Variants in NCKAP1 observed in about 807,000 individuals in gnomAD.
NCKAP1 encodes NCK associated protein 1.
A neutral mutation model predicts 151.2 loss-of-function variants in NCKAP1; 21 were observed. That is an observed-to-expected ratio of 0.14 (90% confidence interval 0.10 to 0.20). The LOEUF (loss-of-function observed/expected upper bound fraction) is 0.20. NCKAP1 is among the 10% of genes least tolerant of loss of function. The probability of loss-of-function intolerance (pLI) is 1.00; values close to 1 mark genes in which losing one functional copy is unlikely to be tolerated. For missense variants in NCKAP1, 933 were observed against 1,352.1 expected (o/e 0.69, Z 4.86); for synonymous variants, 484 against 451.8 (o/e 1.07, Z -0.90).
Position 182,910,351 on chromosome 2 carries a change from G to C in NCKAP1, c.*15351C>G, listed in dbSNP as rs1468722621. ...TGTACTAAAATTCTTTGAGAGATGAGAGGAAATATTTTTCAGAAGCTTGGA... is the reference window on the plus strand; with the variant it reads ...TGTACTAAAATTCTTTGAGAGATGACAGGAAATATTTTTCAGAAGCTTGGA... On this transcript the variant is annotated 3_prime_UTR_variant, in exon 31 of 31. Coordinates refer to ENST00000361354, the MANE Select transcript of NCKAP1 (RefSeq NM_013436.5). 2.6e-5 allele frequency: 4 copies of C among 152,260 alleles called. No homozygotes were observed. Among genetic ancestry groups the C allele is most frequent in the Admixed American group, 2.6e-4 (4 of 15,272 alleles). The allele number at this position is 152,260 out of a possible 1,614,324, so 9.4% of individuals were successfully genotyped here.
Position 182,967,255 on chromosome 2 carries a change from A to G in NCKAP1, c.1589T>C (p.Val530Ala). Residue 530 changes from valine (V) to alanine (A), a missense_variant, in exon 16 of 31, where the codon GTG becomes GCG. By Grantham distance (64) the Val-to-Ala change is moderately conservative. Around this residue, in one of 2 missense-constraint regions of NCKAP1, gnomAD observed 607 missense variants for 795.0 expected, o/e 0.76. Coordinates refer to ENST00000361354, the MANE Select transcript of NCKAP1 (RefSeq NM_013436.5). ...IFHTKMVDSL[V>A]EMLVETSDLS... Reference sequence around the variant, plus strand: ...ATCTGATGTTTCCACCAACATTTCCACCAAGGAATCTACCATTTTTGTATG... The same window carrying G: ...ATCTGATGTTTCCACCAACATTTCCGCCAAGGAATCTACCATTTTTGTATG... 1 of 1,611,876 alleles carries G rather than the reference A, an allele frequency of 6.2e-7. No homozygotes were observed. The highest frequency in any genetic ancestry group is 8.5e-7 in the Non-Finnish European group (1 of 1,179,260).
At chr2:183,036,356 A>C (rs1349466425) in intron 1 of NCKAP1, among the ~76,000 whole-genome samples, 1 of 152,186 alleles carries the variant, frequency 6.6e-6, no homozygotes, top group African/African-American at 2.4e-5. Context: ...CATTTCCTTT[A>C]AACCACAATA....
Position 182,979,457 on chromosome 2 carries a change from T to A in NCKAP1, c.1342-542A>T, listed in dbSNP as rs375747722. Among the ~76,000 whole-genome samples the A allele has an allele frequency of 3.7e-4, 57 of 152,238 alleles. 1 individual carries two copies. In the South Asian group the frequency reaches 0.011, roughly 30 times the overall value. On this transcript the variant is annotated intron_variant, in intron 13 of 30. Transcript: ENST00000361354. ...TCTAGCTTAAAAAATGAATATTTGA[T>A]AAACTGTATTTAAAGTGGATGCTAA...
intron 27 of NCKAP1, among the ~76,000 whole-genome samples, chr2:182,929,126 T>G (rs1239509132): frequency 6.6e-6 from 1 of 152,004 alleles, no homozygotes; most frequent in Non-Finnish European, 1.5e-5. Context: ...TTAGGCATAT[T>G]TCAAGGACGT....
intron 23 of NCKAP1, among the ~76,000 whole-genome samples, chr2:182,942,488 T>C (rs903257247): frequency 5.3e-5 from 8 of 151,990 alleles, no homozygotes; most frequent in South Asian, 2.1e-4. Context: ...AAAATGGACA[T>C]AGCAACAAAT....
chr2:182,941,537 CCTGGGGCCAGAGA>C (rs1349724803), intron 24 of NCKAP1, among the ~76,000 whole-genome samples: 1 of 152,104 alleles, frequency 6.6e-6, no homozygotes, highest in African/African-American at 2.4e-5. Context: ...GGTTGTTTGG[CCTGGGGCCAGAGA>C]CTGGGGTAGG....
chr2:182,913,062 ACTGT>A lies in NCKAP1; in HGVS notation c.*12636_*12639del, dbSNP rs1195001884. Reference sequence around the variant, plus strand: ...ATGTTGAATAGTTGTTATTTGTTTTACTGTCTGCCTCCTTCATCAGATGATGAGT... The same window carrying A: ...ATGTTGAATAGTTGTTATTTGTTTTACTGCCTCCTTCATCAGATGATGAGT... On this transcript the variant is annotated 3_prime_UTR_variant, in exon 31 of 31. Transcript: ENST00000361354. 6.6e-6 allele frequency: 1 copy of A among 152,124 alleles called. No individual in the cohort carries two copies. Among genetic ancestry groups the A allele is most frequent in the Admixed American group, 6.6e-5 (1 of 15,264 alleles). The allele number at this position is 152,124 out of a possible 1,614,324, so 9.4% of individuals were successfully genotyped here.
intron 1 of NCKAP1, among the ~76,000 whole-genome samples, chr2:183,027,659 G>A (rs568182475): frequency 5.3e-5 from 8 of 151,832 alleles, no homozygotes; most frequent in Admixed American, 1.3e-4. Context: ...ACTAGAGACC[G>A]GCCTGGGCAA....
rs1050295912 is a variant in NCKAP1, at chr2:182,913,892, T to A, written c.*11810A>T. 6.6e-6 allele frequency: 1 copy of A among 152,318 alleles called. No individual in the cohort carries two copies. Among genetic ancestry groups the A allele is most frequent in the Non-Finnish European group, 1.5e-5 (1 of 68,138 alleles). The allele number at this position is 152,318 out of a possible 1,614,324, so 9.4% of individuals were successfully genotyped here. A position where few individuals can be genotyped will look rare whatever the true frequency, so the allele number is the denominator to read the frequency against. ...GGAAATACAGGAAACTTCACAATGGTGCACAGTCCATACTCCATGAAACTT... is the reference window on the plus strand; with the variant it reads ...GGAAATACAGGAAACTTCACAATGGAGCACAGTCCATACTCCATGAAACTT... On this transcript the variant is annotated 3_prime_UTR_variant, in exon 31 of 31. Transcript: ENST00000361354.
At chr2:183,021,567 C>T (rs979869514) in intron 2 of NCKAP1, among the ~76,000 whole-genome samples, 3 of 152,148 alleles carry the variant, frequency 2.0e-5, no homozygotes, top group Admixed American at 6.5e-5. Context: ...GCTATGATGG[C>T]GCCACTGCAT....
At chr2:182,952,628 G>A in intron 22 of NCKAP1, 126 bp from the exon 23 acceptor site, 1 of 1,084,122 alleles carries the variant, frequency 9.2e-7, no homozygotes, top group Non-Finnish European at 1.3e-6. Context: ...TCTCTAGAGT[G>A]AAAGAGAGAA....
chr2:183,026,621 G>C (rs557841979), intron 1 of NCKAP1, among the ~76,000 whole-genome samples: 2 of 152,120 alleles, frequency 1.3e-5, no homozygotes, highest in South Asian at 2.1e-4. Flanking sequence ...ATGTCTCAAA[G>C]GTTAAAAACA....
intron 14 of NCKAP1, among the ~76,000 whole-genome samples, chr2:182,977,526 T>C (rs140383537): frequency 3.3e-5 from 5 of 152,168 alleles, no homozygotes. Flanking sequence ...ACTATTATTC[T>C]GCTAAAAAAG....
chr2:182,985,937 T>C (rs1698048403), intron 10 of NCKAP1, among the ~76,000 whole-genome samples: 1 of 152,204 alleles, frequency 6.6e-6, no homozygotes, highest in Admixed American at 6.5e-5. Flanking sequence ...GAGTCCTTTG[T>C]GTGATACTTC....
chr2:182,989,272 A>C (rs934981038), intron 8 of NCKAP1, 86 bp from the exon 9 acceptor site: 3 of 1,043,244 alleles, frequency 2.9e-6, no homozygotes, highest in African/African-American at 3.3e-5. Context: ...AAAATACAGA[A>C]ACGTAACCAC....
At chr2:183,000,220 G>A (rs1056855655) in intron 6 of NCKAP1, among the ~76,000 whole-genome samples, 6 of 152,020 alleles carry the variant, frequency 3.9e-5, no homozygotes, top group Admixed American at 2.0e-4. Context: ...CGGAATATTA[G>A]AAAAAAATCA....
At chr2:182,951,155 G>T (rs1358489164) in intron 23 of NCKAP1, among the ~76,000 whole-genome samples, 1 of 151,690 alleles carries the variant, frequency 6.6e-6, no homozygotes, top group African/African-American at 2.4e-5. Flanking sequence ...TTAACCAATG[G>T]GTAATATTGC....
rs192058020 is a variant in NCKAP1 at position 182,958,105 on chromosome 2, G to A, written c.1882-509C>T. 3.1e-3 allele frequency among the ~76,000 whole-genome samples: 467 copies of A among 152,208 alleles called. 6 individuals are homozygous for A. The highest frequency in any genetic ancestry group is 0.011 in the African/African-American group (442 of 41,556). ...TGTAAACTGCAGGCAAAAAGACAGC[G>A]ACAATTTTTTAAAATAGCCACAGCA... is the stretch of plus-strand genomic sequence containing the variant. On this transcript the variant is annotated intron_variant, in intron 18 of 30. Coordinates refer to ENST00000361354, the MANE Select transcript of NCKAP1 (RefSeq NM_013436.5).
At chr2:183,029,385 C>T (rs1167621585) in intron 1 of NCKAP1, among the ~76,000 whole-genome samples, 1 of 151,876 alleles carries the variant, frequency 6.6e-6, no homozygotes, top group African/African-American at 2.4e-5. Context: ...CAAGCTATTA[C>T]AGCATAGGAT....
Sources: gnomAD v4.1 joint callset for allele counts (sites outside exome capture counted in the v4.1 genomes callset) on GRCh38, gnomAD v4.1.1 for gene constraint, gnomAD v4.1.1 regional missense constraint, MANE v1.5 for transcripts, NCBI Gene and HGNC (gene_info 2026-07-23, HGNC 2026-07-21) for gene names.